VWA3B: variants seen among roughly 807,000 people sequenced by gnomAD.
VWA3B encodes the protein von Willebrand factor A domain containing 3B, also known as von Willebrand factor A domain-containing protein 3B.
In VWA3B, 138 loss-of-function variants were observed where a neutral mutation model predicts 158.3. The ratio of observed to expected loss-of-function variants is 0.87; its 90% CI spans 0.76 to 1.00. The LOEUF (loss-of-function observed/expected upper bound fraction) is 1.00, where lower values mean the gene tolerates loss of function less well. Ranked by LOEUF, VWA3B falls within the 50% of genes least tolerant of loss-of-function variation. The pLI is 0.00. For missense variants in VWA3B, 1,555 were observed against 1,565.1 expected, an observed-to-expected ratio of 0.99 and a Z score of 0.11; for synonymous variants, 596 against 587.3, an observed-to-expected ratio of 1.01 and a Z score of -0.21.
At chr2:98,157,279 A>C (rs1279866258) in intron 7 of VWA3B, among the ~76,000 whole-genome samples, 1 of 152,204 alleles carries the variant, frequency 6.6e-6, no homozygotes, top group Admixed American at 6.5e-5. Flanking sequence ...AGATGGTGAA[A>C]TGACTCTATA....
rs185151405 is a variant in VWA3B at position 98,105,196 on chromosome 2, C to T, written c.197-10456C>T. Reference sequence around the variant, plus strand: ...GCTGGTGACAGCTTTTTTCAGTTTTCGTTTATCTGAAATTATCTTTATTTC... The same window carrying T: ...GCTGGTGACAGCTTTTTTCAGTTTTTGTTTATCTGAAATTATCTTTATTTC... On this transcript the variant is annotated intron_variant, in intron 2 of 27. Transcript: ENST00000477737. Among the ~76,000 whole-genome samples the T allele has an allele frequency of 3.5e-3, 532 of 152,138 alleles. 3 individuals carry two copies. The highest frequency in any genetic ancestry group is 0.014 in the Middle Eastern group (4 of 294).
intron 11 of VWA3B, among the ~76,000 whole-genome samples, chr2:98,193,831 G>GC (rs1331447896): frequency 1.1e-4 from 17 of 151,730 alleles, no homozygotes; most frequent in African/African-American, 4.1e-4. Flanking sequence ...CTCGTGATCC[G>GC]CCCGCCTCGG....
intron 23 of VWA3B, chr2:98,290,837 A>G: frequency 2.2e-6 from 1 of 461,898 alleles, no homozygotes; most frequent in Non-Finnish European, 3.9e-6. Flanking sequence ...AAATGCACTT[A>G]TTTTAATTTC....
chr2:98,112,111 G>C (rs1674176704), intron 2 of VWA3B, among the ~76,000 whole-genome samples: 1 of 152,126 alleles, frequency 6.6e-6, no homozygotes, highest in East Asian at 1.9e-4. Flanking sequence ...TAGGGGTCCA[G>C]TTTCATTCTT....
chr2:98,241,159 A>C (rs2105759045), intron 19 of VWA3B, among the ~76,000 whole-genome samples: 1 of 152,232 alleles, frequency 6.6e-6, no homozygotes, highest in East Asian at 1.9e-4. Flanking sequence ...GTTCAGACCC[A>C]GGGGAAGAGA....
chr2:98,205,348 G>T (rs1225122823), intron 12 of VWA3B, among the ~76,000 whole-genome samples: 1 of 152,090 alleles, frequency 6.6e-6, no homozygotes, highest in Non-Finnish European at 1.5e-5. Context: ...TTATTGTCCT[G>T]TCAGTGACTG....
intron 7 of VWA3B, among the ~76,000 whole-genome samples, chr2:98,145,542 G>T (rs1056798008): frequency 2.0e-5 from 3 of 152,136 alleles, no homozygotes; most frequent in African/African-American, 7.2e-5. Context: ...CATTTTATCT[G>T]TCTGGTGTAT....
intron 12 of VWA3B, among the ~76,000 whole-genome samples, chr2:98,198,825 G>A (rs796426499): frequency 5.9e-5 from 9 of 152,244 alleles, no homozygotes; most frequent in African/African-American, 2.2e-4. Context: ...CTTGACCCCT[G>A]CCTGTAATCC....
intron 7 of VWA3B, among the ~76,000 whole-genome samples, chr2:98,141,073 GA>G (rs1409379123): frequency 6.6e-6 from 1 of 152,178 alleles, no homozygotes; most frequent in Non-Finnish European, 1.5e-5. Context: ...CCAACTTCCG[GA>G]AGCCTTTTAA....
chr2:98,266,456 G>A (rs1009633787), intron 21 of VWA3B, among the ~76,000 whole-genome samples: 7 of 151,808 alleles, frequency 4.6e-5, no homozygotes, highest in African/African-American at 1.5e-4. Flanking sequence ...TAGCCTTGCA[G>A]TATAGTTTGA....
At chr2:98,321,023 C>T in the VWA3B span, among the ~76,000 whole-genome samples, 1 of 152,238 alleles carries the variant, frequency 6.6e-6, no homozygotes, top group East Asian at 1.9e-4. Flanking sequence ...CTGCTCTATG[C>T]AGCCTTCAAA....
At chr2:98,135,547 G>A (rs1488740226) in intron 7 of VWA3B, among the ~76,000 whole-genome samples, 1 of 151,170 alleles carries the variant, frequency 6.6e-6, no homozygotes, top group Non-Finnish European at 1.5e-5. Context: ...GTTTTAGCCG[G>A]GATGGTCTCG....
chr2:98,245,784 G>A (rs1373676250), intron 19 of VWA3B, among the ~76,000 whole-genome samples: 2 of 152,134 alleles, frequency 1.3e-5, no homozygotes, highest in Non-Finnish European at 2.9e-5. Flanking sequence ...AAAAACCCAA[G>A]GGACTTTCAT....
At chr2:98,227,706 A>G (rs918845724) in intron 14 of VWA3B, among the ~76,000 whole-genome samples, 1 of 152,222 alleles carries the variant, frequency 6.6e-6, no homozygotes, top group Non-Finnish European at 1.5e-5. Flanking sequence ...ATGTGTAGTG[A>G]CAGAAAGCCA....
At chr2:98,192,814 G>T in intron 10 of VWA3B, 84 bp from the exon 11 acceptor site, 1 of 1,578,160 alleles carries the variant, frequency 6.3e-7, no homozygotes. Flanking sequence ...TCTGTCCTCT[G>T]CAGATGCATC....
At chr2:98,262,937 T>G (rs1687574286) in intron 21 of VWA3B, among the ~76,000 whole-genome samples, 1 of 151,922 alleles carries the variant, frequency 6.6e-6, no homozygotes, top group Non-Finnish European at 1.5e-5. Flanking sequence ...TTTTATTTAT[T>G]TGTGTCTTCT....
In VWA3B at chr2:98,298,034, AC is replaced by A; in HGVS notation, c.3282+6del. On this transcript the variant is annotated splice_donor_region_variant and intron_variant, in intron 24 of 27. Coordinates refer to ENST00000477737, the MANE Select transcript of VWA3B (RefSeq NM_144992.5). ...CCATGCCCTGCCCGCTGCTCCAGGT[AC>A]CCAGTCCCTGATGTGTTCTGGGGCC... The A allele has an allele frequency of 6.5e-7, 1 of 1,547,822 alleles. No homozygotes were observed. Among genetic ancestry groups the A allele is most frequent in the South Asian group, 1.2e-5 (1 of 80,976 alleles).
intron 21 of VWA3B, among the ~76,000 whole-genome samples, chr2:98,261,783 A>G (rs1687496833): frequency 6.6e-6 from 1 of 151,658 alleles, no homozygotes; most frequent in Non-Finnish European, 1.5e-5. Flanking sequence ...CTTATGGAAG[A>G]GTCCTTATTT....
intron 12 of VWA3B, among the ~76,000 whole-genome samples, chr2:98,211,457 T>A (rs2105546119): frequency 6.6e-6 from 1 of 152,320 alleles, no homozygotes; most frequent in East Asian, 1.9e-4. Flanking sequence ...AAAACAGAAC[T>A]TGTCAGGTAA....
Sources: gnomAD v4.1 joint callset for allele counts (sites outside exome capture counted in the v4.1 genomes callset) on GRCh38, gnomAD v4.1.1 for gene constraint, MANE v1.5 for transcripts, NCBI Gene and HGNC (gene_info 2026-07-23, HGNC 2026-07-21) for gene names.